Variants in ATP10A observed in about 807,000 individuals in gnomAD.
ATP10A encodes the protein phospholipid-transporting ATPase VA.
ATP10A carries 111 observed loss-of-function variants against 147.8 expected under a neutral mutation model. The ratio of observed to expected loss-of-function variants is 0.75; its 90% CI spans 0.64 to 0.88. ATP10A has a LOEUF of 0.88. Among genes scored for constraint, ATP10A ranks in the 40% least tolerant of loss-of-function variants. The pLI is 0.00. For synonymous variants in ATP10A, 875 were observed against 841.6 expected (o/e 1.04, Z -0.69); for missense variants, 1,927 against 1,959.0 (o/e 0.98, Z 0.31).
At chr15:25,683,719 G>GA (rs1899556123) in intron 16 of ATP10A, 1 of 557,196 alleles carries the variant, frequency 1.8e-6, no homozygotes, top group Admixed American at 3.2e-5. Flanking sequence ...CTGGCAGTGG[G>GA]AATTGGGAAT....
chr15:25,804,343 T>C (rs1891081520), intron 1 of ATP10A, among the ~76,000 whole-genome samples: 3 of 150,938 alleles, frequency 2.0e-5, no homozygotes, highest in Non-Finnish European at 4.4e-5. Flanking sequence ...ATGAGGTGTT[T>C]ATGATGTGAC....
chr15:25,845,719 G>C (rs1892998148), intron 1 of ATP10A, among the ~76,000 whole-genome samples: 1 of 152,150 alleles, frequency 6.6e-6, no homozygotes, highest in South Asian at 2.1e-4. Flanking sequence ...GGTCCTGAGA[G>C]CAGCACAAAT....
intron 1 of ATP10A, among the ~76,000 whole-genome samples, chr15:25,800,732 C>G (rs1352877346): frequency 6.6e-6 from 1 of 152,216 alleles, no homozygotes; most frequent in Admixed American, 6.5e-5. Flanking sequence ...GTTCAGCCCC[C>G]ACTCTGGGGG....
At chr15:25,749,060 CAAAAAA>C (rs1171259548) in intron 2 of ATP10A, among the ~76,000 whole-genome samples, 2 of 67,476 alleles carry the variant, frequency 3.0e-5, no homozygotes, top group East Asian at 4.7e-4. Context: ...GAGACTCTGT[CAAAAAA>C]AAAAAAAAAA....
chr15:25,718,678 T>C (rs1340324656), intron 7 of ATP10A, among the ~76,000 whole-genome samples: 3 of 152,004 alleles, frequency 2.0e-5, no homozygotes, highest in East Asian at 1.9e-4. Flanking sequence ...GGGGAACGGG[T>C]TGACGTCCAG....
intron 9 of ATP10A, among the ~76,000 whole-genome samples, chr15:25,716,098 C>T (rs1901784939): frequency 6.6e-6 from 1 of 152,346 alleles, no homozygotes; most frequent in Admixed American, 6.5e-5. Context: ...AGCCTCTGAT[C>T]GATTCTCGAC....
intron 1 of ATP10A, among the ~76,000 whole-genome samples, chr15:25,856,762 G>GACAACAACA (rs759934046): frequency 6.6e-6 from 1 of 151,750 alleles, no homozygotes; most frequent in East Asian, 1.9e-4. Flanking sequence ...CCAAAACAAC[G>GACAACAACA]ACAACAACAA....
chr15:25,743,120 G>T (rs1181615896), intron 2 of ATP10A, among the ~76,000 whole-genome samples: 1 of 152,192 alleles, frequency 6.6e-6, no homozygotes, highest in Non-Finnish European at 1.5e-5. Flanking sequence ...GACCCTAAAG[G>T]CAGAGTTCCA....
chr15:25,785,485 A>C (rs1567382556), intron 1 of ATP10A, among the ~76,000 whole-genome samples: 2 of 152,210 alleles, frequency 1.3e-5, no homozygotes, highest in Non-Finnish European at 2.9e-5. Flanking sequence ...CTGCCACGGC[A>C]GCCTGAGCTG....
chr15:25,673,197 G>A (rs1374065537), downstream of ATP10A, among the ~76,000 whole-genome samples: 1 of 152,170 alleles, frequency 6.6e-6, no homozygotes, highest in East Asian at 1.9e-4. Context: ...TTTTACAGGA[G>A]CAGCCCACTC....
chr15:25,684,117 T>C (rs1455518226), intron 16 of ATP10A: 1 of 152,514 alleles, frequency 6.6e-6, no homozygotes, highest in Non-Finnish European at 1.5e-5. Context: ...GCATCATCTC[T>C]GATCCTCATA....
At chr15:25,791,241 G>T (rs1890410099) in intron 1 of ATP10A, among the ~76,000 whole-genome samples, 1 of 142,106 alleles carries the variant, frequency 7.0e-6, no homozygotes, top group Non-Finnish European at 1.6e-5. Flanking sequence ...CACCACACTT[G>T]GCTAGGGCAG....
At chr15:25,759,532 G>T (rs1316899717) in intron 2 of ATP10A, among the ~76,000 whole-genome samples, 1 of 152,200 alleles carries the variant, frequency 6.6e-6, no homozygotes, top group Non-Finnish European at 1.5e-5. Context: ...TGGGCCAGGT[G>T]TGGTGGCTCA....
rs140758321 is a variant in ATP10A at position 25,721,794 on chromosome 15, C to T, written c.1226G>A (p.Cys409Tyr). The change falls in exon 7 of 21, where the codon TGC becomes TAC. Residue 409 changes from cysteine (C) to tyrosine (Y), a missense_variant. By Grantham distance (194) the Cys-to-Tyr change is radical. Transcript: ENST00000555815. ...YDEETDSQLQ[C>Y]RALNITEDLG... ...GTCTTCCGTGATGTTCAGAGCTCGG[C>T]ACTGCAGCTGCGAGTCTGTTTCTTC... is the stretch of plus-strand genomic sequence containing the variant. The T allele has an allele frequency of 6.8e-6, 11 of 1,614,066 alleles. No homozygotes were observed. In the African/African-American group the frequency reaches 1.3e-4, roughly 20 times the overall value.
intron 3 of ATP10A, among the ~76,000 whole-genome samples, chr15:25,731,916 T>C (rs982422430): frequency 1.3e-5 from 2 of 152,136 alleles, no homozygotes; most frequent in Non-Finnish European, 1.5e-5. Context: ...AGTGCAGTGG[T>C]GTGATCATAG....
intron 2 of ATP10A, among the ~76,000 whole-genome samples, chr15:25,773,632 C>T (rs938888896): frequency 2.0e-5 from 3 of 152,134 alleles, no homozygotes; most frequent in African/African-American, 7.2e-5. Flanking sequence ...TATATCTTAG[C>T]CCAGGAGGGA....
chr15:25,758,846 G>C (rs77174959), intron 2 of ATP10A, among the ~76,000 whole-genome samples: 3 of 121,066 alleles, frequency 2.5e-5, no homozygotes, highest in South Asian at 3.0e-4. Flanking sequence ...AACTCATTCC[G>C]ATCACCTGCT....
At position 25,708,045 on chromosome 15, in the gene ATP10A, AGGATTCGGCTTCTAGGT is replaced by A; in HGVS notation, c.2489_2505del (p.His830LeufsTer29). The A allele has an allele frequency of 6.2e-7, 1 of 1,614,154 alleles. No individual in the cohort carries two copies. Among genetic ancestry groups the A allele is most frequent in the Non-Finnish European group, 8.5e-7 (1 of 1,180,044 alleles). ...AGGAGCTCCTCGCTGTTTTCCAGGGAGGATTCGGCTTCTAGGTGGCTTTGCAACCAGCAGGCATACTC... is the reference window on the plus strand; with the variant it reads ...AGGAGCTCCTCGCTGTTTTCCAGGGAGGCTTTGCAACCAGCAGGCATACTC... On this transcript the variant is annotated frameshift_variant, in exon 12 of 21. Coordinates refer to ENST00000555815, the MANE Select transcript of ATP10A (RefSeq NM_024490.4). LOFTEE classifies it high-confidence loss of function.
Position 25,687,841 on chromosome 15 carries a change from A to G in ATP10A, c.3166-13T>C, listed in dbSNP as rs1484010452. The stretch of plus-strand genomic sequence containing the variant: ...TGGCCATCACTGCCTTCAAAGGGAG[A>G]GGGATTCCTGTTACTGGTGATGCCG... On this transcript the variant is annotated splice_polypyrimidine_tract_variant and intron_variant, in intron 15 of 20. Coordinates refer to ENST00000555815, the MANE Select transcript of ATP10A (RefSeq NM_024490.4). The G allele has an allele frequency of 1.2e-6, 2 of 1,613,606 alleles. No individual in the cohort carries two copies. The highest frequency in any genetic ancestry group is 1.7e-6 in the Non-Finnish European group (2 of 1,179,790).
Sources: allele counts gnomAD v4.1 joint callset (sites outside exome capture counted in the v4.1 genomes callset), GRCh38; gene constraint gnomAD v4.1.1; transcripts MANE v1.5; gene names NCBI Gene and HGNC (gene_info 2026-07-23, HGNC 2026-07-21).